The following EFCAB5 variants were observed in gnomAD, a reference collection of about 807,000 sequenced individuals.
The protein encoded by EFCAB5 is EF-hand calcium-binding domain-containing protein 5.
EFCAB5 carries 131 observed loss-of-function variants against 167.9 expected under a neutral mutation model. The ratio of observed to expected loss-of-function variants is 0.78; its 90% CI spans 0.68 to 0.90. EFCAB5 has a LOEUF of 0.90. EFCAB5 is among the 40% of genes least tolerant of loss of function. The pLI is 0.00. For missense variants in EFCAB5, 1,663 were observed against 1,745.2 expected (o/e 0.95, Z 0.84); for synonymous variants, 574 against 602.8 (o/e 0.95, Z 0.70).
chr17:30,004,096 C>T (rs76392408), intron 7 of EFCAB5, among the ~76,000 whole-genome samples: 10,044 of 152,244 alleles, frequency 0.066, 450 homozygotes, highest in Non-Finnish European at 0.098. Context: ...ACATGGGAGC[C>T]GAAGAGGCCT....
chr17:30,031,516 A>G (rs1313945904), intron 7 of EFCAB5, among the ~76,000 whole-genome samples: 1 of 152,222 alleles, frequency 6.6e-6, no homozygotes, highest in Non-Finnish European at 1.5e-5. Context: ...CAATGGCTGA[A>G]GAGAACTTAC....
intron 14 of EFCAB5, among the ~76,000 whole-genome samples, chr17:30,064,530 A>G (rs530072854): frequency 6.6e-6 from 1 of 152,214 alleles, no homozygotes; most frequent in South Asian, 2.1e-4. Flanking sequence ...TATCACTATT[A>G]AGTGAACAAA....
intron 17 of EFCAB5, among the ~76,000 whole-genome samples, chr17:30,082,390 C>CTTT (rs71138871): frequency 0.032 from 3,156 of 98,118 alleles, 10 homozygotes; most frequent in Non-Finnish European, 0.036. Context: ...CTTTATACCT[C>CTTT]TTTTTTTTTT....
intron 8 of EFCAB5, among the ~76,000 whole-genome samples, chr17:30,047,745 T>G (rs981087381): frequency 6.6e-6 from 1 of 152,222 alleles, no homozygotes; most frequent in Non-Finnish European, 1.5e-5. Context: ...ACTAAATTAT[T>G]ACTGGATCTA....
At chr17:30,085,715 G>T (rs574687470) in intron 18 of EFCAB5, among the ~76,000 whole-genome samples, 2 of 75,616 alleles carry the variant, frequency 2.6e-5, no homozygotes, top group Non-Finnish European at 4.9e-5. Flanking sequence ...GCGAGACTCC[G>T]TCTCAAAAAA....
At chr17:30,030,690 T>A (rs2069457995) in intron 7 of EFCAB5, among the ~76,000 whole-genome samples, 2 of 144,368 alleles carry the variant, frequency 1.4e-5, no homozygotes, top group Non-Finnish European at 3.0e-5. Flanking sequence ...TGAAACAGGG[T>A]CCCGCTCTGT....
Position 29,993,159 on chromosome 17 carries a change from C to A in EFCAB5, c.768-6C>A. 1 of 1,604,316 alleles carries A rather than the reference C, an allele frequency of 6.2e-7. No individual in the cohort carries two copies. The highest frequency in any genetic ancestry group is 1.3e-5 in the African/African-American group (1 of 74,784). On this transcript the variant is annotated splice_region_variant and splice_polypyrimidine_tract_variant and intron_variant, in intron 4 of 22. Transcript: ENST00000394835. The stretch of plus-strand genomic sequence containing the variant: ...TCAACATGTTTTCTATATCTACATC[C>A]TGCAGAGTATCCAAGATGAAGGAGA...
At position 30,053,917 on chromosome 17, in the gene EFCAB5, C is replaced by A. The variant is rs1484825809; in HGVS notation, c.1963C>A (p.Pro655Thr). The A allele has an allele frequency of 6.2e-7, 1 of 1,613,936 alleles. No individual in the cohort carries two copies. Among genetic ancestry groups the A allele is most frequent in the Admixed American group, 1.7e-5 (1 of 60,016 alleles). The change falls in exon 10 of 23, where the codon CCT becomes ACT. Residue 655 changes from proline to threonine, a missense_variant. Coordinates refer to ENST00000394835, the MANE Select transcript of EFCAB5 (RefSeq NM_198529.4). ...ACCATACCAAAAATCAGAACAAGGA[C>A]CTTATGGAGAGATAATTTCAGAAGA... is the stretch of plus-strand genomic sequence containing the variant. ...EEPYQKSEQG[P>T]YGEIISEEQE...
chr17:30,022,557 G>T (rs775537785), intron 7 of EFCAB5, among the ~76,000 whole-genome samples: 1 of 152,002 alleles, frequency 6.6e-6, no homozygotes, highest in African/African-American at 2.4e-5. Context: ...ACTTCAGCAG[G>T]GTGGGTTAAG....
intron 4 of EFCAB5, among the ~76,000 whole-genome samples, chr17:29,973,885 C>G (rs1178637899): frequency 6.6e-6 from 1 of 151,222 alleles, no homozygotes; most frequent in Non-Finnish European, 1.5e-5. Flanking sequence ...TGGCCCAGCG[C>G]GGTGGCTCAA....
intron 7 of EFCAB5, among the ~76,000 whole-genome samples, chr17:30,014,745 T>C (rs568708246): frequency 4.8e-4 from 73 of 152,338 alleles, no homozygotes; most frequent in African/African-American, 1.5e-3. Context: ...GGGCCTTGAC[T>C]CTATCCAATT....
rs560588518 is a variant in EFCAB5 at position 29,955,225 on chromosome 17, G to T, written c.190+11576G>T. ...TTGGAATGAGGGAACATGAGATTTG[G>T]GAGGGGCCGGGGCAGAATGATATGG... On this transcript the variant is annotated intron_variant, in intron 3 of 22. Coordinates refer to ENST00000394835, the MANE Select transcript of EFCAB5 (RefSeq NM_198529.4). 4.6e-5 allele frequency among the ~76,000 whole-genome samples: 7 copies of T among 152,210 alleles called. No homozygotes were observed. In the South Asian group the frequency reaches 1.2e-3, roughly 27 times the overall value.
chr17:30,093,966 A>G (rs1464121131), intron 22 of EFCAB5, among the ~76,000 whole-genome samples: 3 of 152,172 alleles, frequency 2.0e-5, no homozygotes, highest in Non-Finnish European at 4.4e-5. Flanking sequence ...AGGCAGGGCA[A>G]TCTGCTGCTG....
intron 7 of EFCAB5, among the ~76,000 whole-genome samples, chr17:30,003,186 C>T (rs1351754452): frequency 2.0e-5 from 3 of 151,504 alleles, no homozygotes; most frequent in African/African-American, 7.3e-5. Context: ...TCTGTCTTTT[C>T]CACACTGATG....
intron 7 of EFCAB5, among the ~76,000 whole-genome samples, chr17:30,016,146 T>C (rs1329430829): frequency 6.6e-6 from 1 of 152,340 alleles, no homozygotes; most frequent in East Asian, 1.9e-4. Context: ...GATTTGCAAG[T>C]ATTTTCTCCC....
chr17:30,012,297 C>T (rs944253838), intron 7 of EFCAB5, among the ~76,000 whole-genome samples: 3 of 152,170 alleles, frequency 2.0e-5, no homozygotes, highest in South Asian at 2.1e-4. Flanking sequence ...CAGGCTCGCC[C>T]GCAGTTGTCT....
chr17:29,999,809 A>G, intron 6 of EFCAB5, 97 bp from the exon 7 acceptor site: 1 of 785,990 alleles, frequency 1.3e-6, no homozygotes, highest in Non-Finnish European at 1.9e-6. Flanking sequence ...ACATTAGCTA[A>G]TAAATAATTT....
At chr17:30,043,305 A>T (rs969125765) in intron 8 of EFCAB5, among the ~76,000 whole-genome samples, 3 of 152,210 alleles carry the variant, frequency 2.0e-5, no homozygotes, top group Non-Finnish European at 2.9e-5. Context: ...TACAATGGTA[A>T]AAAATTTAAT....
chr17:29,966,339 G>A (rs1274117623), intron 3 of EFCAB5, among the ~76,000 whole-genome samples: 2 of 152,080 alleles, frequency 1.3e-5, no homozygotes, highest in African/African-American at 4.8e-5. Flanking sequence ...AATATTAAAT[G>A]TTCTGGATTG....
Sources: gnomAD v4.1 joint callset for allele counts (sites outside exome capture counted in the v4.1 genomes callset) on GRCh38, gnomAD v4.1.1 for gene constraint, MANE v1.5 for transcripts, NCBI Gene and HGNC (gene_info 2026-07-23, HGNC 2026-07-21) for gene names.